The following LIMCH1 variants were observed in gnomAD, a reference collection of about 807,000 sequenced individuals.
LIMCH1 encodes the protein LIM and calponin homology domains 1.
A neutral mutation model predicts 176.5 loss-of-function variants in LIMCH1; 113 were observed. The ratio of observed to expected loss-of-function variants is 0.64; its 90% CI spans 0.55 to 0.75. LIMCH1 has a LOEUF of 0.75. LIMCH1 is among the 30% of genes least tolerant of loss of function. LIMCH1 has a pLI of 0.00. For synonymous variants in LIMCH1, 619 were observed against 645.9 expected, an observed-to-expected ratio of 0.96 and a Z score of 0.63; for missense variants, 1,674 against 1,814.9, an observed-to-expected ratio of 0.92 and a Z score of 1.41.
intron 1 of LIMCH1, among the ~76,000 whole-genome samples, chr4:41,548,592 A>T (rs897721263): frequency 6.6e-6 from 1 of 152,092 alleles, no homozygotes; most frequent in Non-Finnish European, 1.5e-5. Context: ...ATTTCCTATG[A>T]TTATATTTTT....
At chr4:41,608,518 A>C (rs185229974) in intron 4 of LIMCH1, among the ~76,000 whole-genome samples, 1 of 152,294 alleles carries the variant, frequency 6.6e-6, no homozygotes, top group Admixed American at 6.5e-5. Context: ...ATTATCCACA[A>C]ATTTTTATAT....
chr4:41,559,365 C>G (rs1399852463), intron 1 of LIMCH1, among the ~76,000 whole-genome samples: 1 of 152,072 alleles, frequency 6.6e-6, no homozygotes, highest in Admixed American at 6.6e-5. Context: ...GATCCTACTT[C>G]CTTCAAGAAT....
In LIMCH1 at chr4:41,697,383, T is replaced by G. The variant is rs1731446609; in HGVS notation, c.*198T>G. ...TTTATTGTTTTGGTTTTTTTTTTTT[T>G]TTTGCATTTGCACAGTATACACAAA... is the stretch of plus-strand genomic sequence containing the variant. On this transcript the variant is annotated 3_prime_UTR_variant, in exon 32 of 32. Coordinates refer to ENST00000503057, the MANE Select transcript of LIMCH1 (RefSeq NM_001330672.2). The G allele has an allele frequency of 1.7e-6, 1 of 576,198 alleles. No homozygotes were observed. The highest frequency in any genetic ancestry group is 3.1e-6 in the Non-Finnish European group (1 of 325,276). The allele number at this position is 576,198 out of a possible 1,614,324, so 35.7% of individuals were successfully genotyped here.
intron 1 of LIMCH1, among the ~76,000 whole-genome samples, chr4:41,367,315 A>C (rs952892067): frequency 6.6e-6 from 1 of 152,216 alleles, no homozygotes; most frequent in Non-Finnish European, 1.5e-5. Context: ...ACCTTTTCCC[A>C]CTGTCAGCAA....
At chr4:41,591,664 CTG>C (rs35518413) in intron 1 of LIMCH1, among the ~76,000 whole-genome samples, 13,100 of 152,088 alleles carry the variant, frequency 0.086, 1,831 homozygotes, top group African/African-American at 0.3. Context: ...TTTGTGGAAA[CTG>C]AGAATTATAT....
chr4:41,507,832 A>T (rs1185673124), intron 2 of LIMCH1, among the ~76,000 whole-genome samples: 1 of 132,846 alleles, frequency 7.5e-6, no homozygotes, highest in Non-Finnish European at 1.6e-5. Flanking sequence ...TGAATGCATT[A>T]TGCAATCAAA....
In LIMCH1 at chr4:41,625,597, A is replaced by G. The variant is rs1585013668; in HGVS notation, c.726-1111A>G. Among the ~76,000 whole-genome samples the G allele has an allele frequency of 2.6e-5, 4 of 152,306 alleles. 1 individual carries two copies. The highest frequency in any genetic ancestry group is 6.5e-5 in the Admixed American group (1 of 15,304). ...GGGTGGGGAGTGTCTTCAAATAGCC[A>G]ATGATACGGAAACTTTCTTCACGCT... On this transcript the variant is annotated intron_variant, in intron 7 of 31. Transcript: ENST00000503057.
At chr4:41,482,212 T>C (rs1241059169) in intron 1 of LIMCH1, among the ~76,000 whole-genome samples, 1 of 152,146 alleles carries the variant, frequency 6.6e-6, no homozygotes. Context: ...GACTAAGAAA[T>C]TGGATACTTG....
chr4:41,697,227 G>A lies in LIMCH1; in HGVS notation c.*42G>A. ...CCGGATCACTCACCATTTCTTTACT[G>A]AGAGTGTCCCCTGGCAACTGCTTAA... is the stretch of plus-strand genomic sequence containing the variant. On this transcript the variant is annotated 3_prime_UTR_variant, in exon 32 of 32. Transcript: ENST00000503057. 1 of 1,600,618 alleles carries A rather than the reference G, an allele frequency of 6.2e-7. No homozygotes were observed. The highest frequency in any genetic ancestry group is 8.6e-7 in the Non-Finnish European group (1 of 1,168,200).
At chr4:41,678,777 T>C (rs1169824411) in intron 23 of LIMCH1, among the ~76,000 whole-genome samples, 1 of 130,866 alleles carries the variant, frequency 7.6e-6, no homozygotes, top group Non-Finnish European at 1.7e-5. Context: ...ACTCTCTGCA[T>C]CTCTGCATCA....
chr4:41,448,996 C>A (rs1192976418), intron 1 of LIMCH1, among the ~76,000 whole-genome samples: 1 of 152,094 alleles, frequency 6.6e-6, no homozygotes, highest in Admixed American at 6.5e-5. Context: ...CATTATCAAA[C>A]ACACACAGAG....
intron 1 of LIMCH1, among the ~76,000 whole-genome samples, chr4:41,548,923 G>C (rs919181844): frequency 6.6e-6 from 1 of 152,198 alleles, no homozygotes; most frequent in African/African-American, 2.4e-5. Flanking sequence ...GGGGCTTTGG[G>C]CAGGGTAGTT....
intron 1 of LIMCH1, among the ~76,000 whole-genome samples, chr4:41,546,135 G>C (rs1339293813): frequency 6.6e-6 from 1 of 151,854 alleles, no homozygotes; most frequent in Non-Finnish European, 1.5e-5. Context: ...AGCCTTCATT[G>C]GTCTGTTTTT....
At chr4:41,386,596 T>G (rs146251717) in intron 1 of LIMCH1, among the ~76,000 whole-genome samples, 3 of 152,272 alleles carry the variant, frequency 2.0e-5, no homozygotes, top group African/African-American at 4.8e-5. Context: ...AACAATTAGT[T>G]TTTGTTGTTG....
In LIMCH1 at chr4:41,664,902, C is replaced by T. The variant is rs149204991; in HGVS notation, c.3292-1659C>T. On this transcript the variant is annotated intron_variant, in intron 20 of 31. Coordinates refer to ENST00000503057, the MANE Select transcript of LIMCH1 (RefSeq NM_001330672.2). ...CATTATTCTCAGAATATTTTTTAAG[C>T]GTAAAATAAAATACACAGGATTACC... is the stretch of plus-strand genomic sequence containing the variant. Among the ~76,000 whole-genome samples the T allele has an allele frequency of 1.3e-4, 20 of 152,138 alleles. No homozygotes were observed. In the East Asian group the frequency reaches 2.9e-3, roughly 22 times the overall value.
chr4:41,586,384 A>G (rs1010430029), intron 1 of LIMCH1, among the ~76,000 whole-genome samples: 1 of 152,078 alleles, frequency 6.6e-6, no homozygotes, highest in Admixed American at 6.6e-5. Flanking sequence ...TGCTAGGATT[A>G]TAGGCATGAG....
chr4:41,654,210 A>G (rs917308609), intron 18 of LIMCH1, among the ~76,000 whole-genome samples: 1 of 152,202 alleles, frequency 6.6e-6, no homozygotes, highest in Non-Finnish European at 1.5e-5. Flanking sequence ...TTAAATAGCA[A>G]CTGTGCTTCG....
At chr4:41,582,972 T>A (rs2085783790) in intron 1 of LIMCH1, among the ~76,000 whole-genome samples, 1 of 152,186 alleles carries the variant, frequency 6.6e-6, no homozygotes, top group Admixed American at 6.5e-5. Flanking sequence ...AACTTTACCA[T>A]TTAATCATTT....
intron 1 of LIMCH1, among the ~76,000 whole-genome samples, chr4:41,470,098 G>A (rs1224618327): frequency 2.6e-5 from 4 of 152,144 alleles, no homozygotes; most frequent in Non-Finnish European, 5.9e-5. Context: ...AAGGAGGAAA[G>A]GAACATCCAA....
Sources: allele counts gnomAD v4.1 joint callset (sites outside exome capture counted in the v4.1 genomes callset), GRCh38; gene constraint gnomAD v4.1.1; transcripts MANE v1.5; gene names NCBI Gene and HGNC (gene_info 2026-07-23, HGNC 2026-07-21).